Variants in DOP1A observed in about 807,000 individuals in gnomAD.
The protein encoded by DOP1A is DOP1 leucine zipper like protein A, also known as protein DOP1A.
In DOP1A, 90 loss-of-function variants were observed where a neutral mutation model predicts 267.6. The ratio of observed to expected loss-of-function variants is 0.34; its 90% CI spans 0.28 to 0.40. The LOEUF (loss-of-function observed/expected upper bound fraction) is 0.40, where lower values mean the gene tolerates loss of function less well. Ranked by LOEUF, DOP1A falls within the 10% of genes least tolerant of loss-of-function variation. The probability of loss-of-function intolerance (pLI) is 1.00; values close to 1 mark genes in which losing one functional copy is unlikely to be tolerated. For missense variants in DOP1A, 2,437 were observed against 2,900.4 expected (o/e 0.84, Z 3.67); for synonymous variants, 932 against 999.1 (o/e 0.93, Z 1.27).
chr6:83,151,813 T>C (rs527416873), intron 28 of DOP1A, 70 bp from the exon 29 acceptor site: 3 of 1,499,616 alleles, frequency 2.0e-6, no homozygotes, highest in East Asian at 4.5e-5. Context: ...ATCAGAAATA[T>C]AAACTACAGA....
intron 38 of DOP1A, chr6:83,166,578 T>A (rs1333525216): frequency 1.6e-6 from 1 of 628,038 alleles, no homozygotes; most frequent in African/African-American, 1.8e-5. Flanking sequence ...GTGAGAAATA[T>A]GCTTAAAATG....
chr6:83,148,283 A>T (rs1780935548), intron 26 of DOP1A, among the ~76,000 whole-genome samples: 1 of 152,110 alleles, frequency 6.6e-6, no homozygotes, highest in African/African-American at 2.4e-5. Flanking sequence ...ATGGCAGCGC[A>T]CGCCTGTAGT....
chr6:83,075,340 C>T (rs2127991617), intron 1 of DOP1A, among the ~76,000 whole-genome samples: 1 of 152,182 alleles, frequency 6.6e-6, no homozygotes, highest in South Asian at 2.1e-4. Flanking sequence ...CGATTACCAC[C>T]CCTGGAGTCA....
At chr6:83,106,559 C>T (rs1286495486) in intron 4 of DOP1A, among the ~76,000 whole-genome samples, 7 of 151,932 alleles carry the variant, frequency 4.6e-5, no homozygotes, top group Non-Finnish European at 8.8e-5. Flanking sequence ...CCTGTAATCC[C>T]AGCACTTTGG....
intron 19 of DOP1A, among the ~76,000 whole-genome samples, chr6:83,135,010 G>A (rs1011207400): frequency 2.6e-5 from 4 of 152,082 alleles, no homozygotes; most frequent in Admixed American, 6.6e-5. Flanking sequence ...CCCCTACAAT[G>A]TACTGAATAT....
chr6:83,083,315 C>T (rs1768478328), intron 1 of DOP1A, among the ~76,000 whole-genome samples: 1 of 148,086 alleles, frequency 6.8e-6, no homozygotes, highest in African/African-American at 2.5e-5. Context: ...TTTTTAAGTA[C>T]AATTTCTAAG....
Position 83,137,384 on chromosome 6 carries a change from A to G in DOP1A, c.3342A>G (p.Ser1114=), listed in dbSNP as rs1230493413. 2.5e-6 allele frequency: 4 copies of G among 1,613,902 alleles called. No homozygotes were observed. Among genetic ancestry groups the G allele is most frequent in the Non-Finnish European group, 3.4e-6 (4 of 1,179,872 alleles). Residue 1114 remains serine, a synonymous_variant, in exon 21 of 39, where the codon TCA becomes TCG. Transcript: ENST00000349129. The part of the protein sequence containing the change: ...EILQSSDSGC[S]QSSAGDNLSY... ...TTCAGAGTTCTGACTCGGGATGTTCACAGTCCTCTGCTGGGGACAACTTGA... is the reference window on the plus strand; with the variant it reads ...TTCAGAGTTCTGACTCGGGATGTTCGCAGTCCTCTGCTGGGGACAACTTGA...
rs1458304860 is a variant in DOP1A, at chr6:83,162,922, A to G, written c.7092+3A>G. ...AACTTCTTCGGAAAAGAGCAAAGGT[A>G]TCGCATTCTTTTGTGATTGTTTTGT... is the stretch of plus-strand genomic sequence containing the variant. On this transcript the variant is annotated splice_donor_region_variant and intron_variant, in intron 38 of 38. Transcript: ENST00000349129. The G allele has an allele frequency of 2.5e-6, 4 of 1,610,100 alleles. No homozygotes were observed. Among genetic ancestry groups the G allele is most frequent in the Admixed American group, 3.4e-5 (2 of 59,458 alleles).
intron 1 of DOP1A, among the ~76,000 whole-genome samples, chr6:83,091,246 G>A (rs1223133051): frequency 6.6e-6 from 1 of 152,050 alleles, no homozygotes; most frequent in Non-Finnish European, 1.5e-5. Context: ...CACAGCACAT[G>A]GGAATTCAAG....
intron 1 of DOP1A, among the ~76,000 whole-genome samples, chr6:83,092,422 G>A (rs1000590880): frequency 8.5e-5 from 13 of 152,202 alleles, no homozygotes; most frequent in East Asian, 1.9e-4. Context: ...TTAATTTGAT[G>A]TGCAAGGTTA....
At chr6:83,154,744 T>C (rs894775074) in intron 33 of DOP1A, among the ~76,000 whole-genome samples, 2 of 152,036 alleles carry the variant, frequency 1.3e-5, no homozygotes, top group Non-Finnish European at 2.9e-5. Context: ...CACCCCCTCT[T>C]TCTACTCTTG....
In DOP1A at chr6:83,110,107, A is replaced by C; in HGVS notation, c.492-18A>C. 7 of 1,550,882 alleles carry C rather than the reference A, an allele frequency of 4.5e-6. No individual in the cohort carries two copies. The highest frequency in any genetic ancestry group is 6.1e-6 in the Non-Finnish European group (7 of 1,151,766). Reference sequence around the variant, plus strand: ...AACTAAATGTTTCCCTTCTTAAACCACTTTATTTATACCTCAGAACAAATA... The same window carrying C: ...AACTAAATGTTTCCCTTCTTAAACCCCTTTATTTATACCTCAGAACAAATA... On this transcript the variant is annotated intron_variant, in intron 5 of 38. Transcript: ENST00000349129.
chr6:83,142,188 G>A (rs897746265), intron 24 of DOP1A, 142 bp downstream of exon 24: 1 of 1,092,460 alleles, frequency 9.2e-7, no homozygotes, highest in African/African-American at 1.7e-5. Context: ...ATAAATTGTT[G>A]CCTTAATTTC....
chr6:83,139,232 G>T (rs1454273713), intron 21 of DOP1A, 70 bp downstream of exon 21: 5 of 1,233,100 alleles, frequency 4.1e-6, no homozygotes, highest in Non-Finnish European at 5.7e-6. Context: ...TGTCTGGAAA[G>T]TTGGTCACAA....
At chr6:83,106,703 G>A (rs114669274) in intron 4 of DOP1A, among the ~76,000 whole-genome samples, 1,632 of 151,994 alleles carry the variant, frequency 0.011, 39 homozygotes, top group African/African-American at 0.036. Context: ...CTAGCTACTG[G>A]GGAGGCTGAG....
chr6:83,096,179 T>C (rs1267005319), intron 1 of DOP1A, among the ~76,000 whole-genome samples: 1 of 151,966 alleles, frequency 6.6e-6, no homozygotes, highest in African/African-American at 2.4e-5. Flanking sequence ...CCTTGAACTC[T>C]TGGACTCAAG....
At chr6:83,117,765 CT>C (rs1208884182) in intron 7 of DOP1A, among the ~76,000 whole-genome samples, 10 of 152,168 alleles carry the variant, frequency 6.6e-5, no homozygotes, top group Admixed American at 6.5e-4. Flanking sequence ...TGTGCACCCC[CT>C]GAAAAAGTCT....
intron 11 of DOP1A, among the ~76,000 whole-genome samples, 189 bp downstream of exon 11, chr6:83,122,239 AG>A (rs769527442): frequency 6.6e-6 from 1 of 151,874 alleles, no homozygotes; most frequent in Non-Finnish European, 1.5e-5. Flanking sequence ...CACTATATAA[AG>A]ACAATTGTTT....
chr6:83,165,965 A>AT, intron 38 of DOP1A: 5 of 335,838 alleles, frequency 1.5e-5, no homozygotes, highest in South Asian at 5.8e-5. Context: ...GACCATGACC[A>AT]TTTTTTGGAG....
Sources: gnomAD v4.1 joint callset for allele counts (sites outside exome capture counted in the v4.1 genomes callset) on GRCh38, gnomAD v4.1.1 for gene constraint, MANE v1.5 for transcripts, NCBI Gene and HGNC (gene_info 2026-07-23, HGNC 2026-07-21) for gene names.